DOCK3: variants seen among roughly 807,000 people sequenced by gnomAD.
DOCK3 encodes dedicator of cytokinesis protein 3.
In DOCK3, 60 loss-of-function variants were observed where a neutral mutation model predicts 265.6. That is an observed-to-expected ratio of 0.23 (90% CI 0.18 to 0.28). The LOEUF (loss-of-function observed/expected upper bound fraction) is 0.28, where lower values mean the gene tolerates loss of function less well. DOCK3 is among the 10% of genes least tolerant of loss of function. DOCK3 has a pLI of 1.00. For synonymous variants in DOCK3, 881 were observed against 938.0 expected, an observed-to-expected ratio of 0.94 and a Z score of 1.11; for missense variants, 1,981 against 2,594.3, an observed-to-expected ratio of 0.76 and a Z score of 5.14.
At position 51,075,306 on chromosome 3, in the gene DOCK3, T is replaced by G. The variant is rs374712870; in HGVS notation, c.465-50T>G. 427 of 1,495,344 alleles carry G rather than the reference T, an allele frequency of 2.9e-4. 2 individuals are homozygous for G. Among genetic ancestry groups the G allele is most frequent in the Middle Eastern group, 2.1e-3 (12 of 5,806 alleles). The allele number at this position is 1,495,344 out of a possible 1,614,324, so 92.6% of individuals were successfully genotyped here. On this transcript the variant is annotated intron_variant, in intron 6 of 52. Transcript: ENST00000266037. ...GGGTTCCCAGGCACATAAAGAGAGATAAGTAATCTGAGTACATGGCATACT... is the reference window on the plus strand; with the variant it reads ...GGGTTCCCAGGCACATAAAGAGAGAGAAGTAATCTGAGTACATGGCATACT...
At chr3:50,822,049 A>G (rs1310715597) in intron 2 of DOCK3, among the ~76,000 whole-genome samples, 2 of 152,072 alleles carry the variant, frequency 1.3e-5, no homozygotes, top group Non-Finnish European at 1.5e-5. Flanking sequence ...GAACAATGAC[A>G]GTAGTTTGAT....
intron 2 of DOCK3, among the ~76,000 whole-genome samples, chr3:50,817,846 G>A (rs1461279635): frequency 6.6e-6 from 1 of 151,976 alleles, no homozygotes; most frequent in Non-Finnish European, 1.5e-5. Flanking sequence ...CTGAGAAGAG[G>A]GCTTTATACT....
At chr3:51,213,054 A>G (rs1050950405) in intron 13 of DOCK3, among the ~76,000 whole-genome samples, 2 of 151,976 alleles carry the variant, frequency 1.3e-5, no homozygotes, top group Admixed American at 1.3e-4. Context: ...TTCTCTCTTT[A>G]TCTACTTCTC....
intron 5 of DOCK3, among the ~76,000 whole-genome samples, chr3:51,025,539 C>T (rs4557193): frequency 0.9 from 136,562 of 152,100 alleles, 61,469 homozygotes; most frequent in East Asian, 0.95. Context: ...CACCCCTCCC[C>T]GTCTTTCTGC....
intron 2 of DOCK3, among the ~76,000 whole-genome samples, chr3:50,837,873 G>A (rs754310981): frequency 2.0e-5 from 3 of 152,176 alleles, no homozygotes; most frequent in Non-Finnish European, 4.4e-5. Flanking sequence ...AGGAATTGCA[G>A]AGAGACTATT....
At chr3:50,764,215 A>G (rs753246852) in intron 1 of DOCK3, among the ~76,000 whole-genome samples, 15 of 152,180 alleles carry the variant, frequency 9.9e-5, no homozygotes, top group Non-Finnish European at 1.9e-4. Context: ...CTTTTAGCAC[A>G]GATTTCATAT....
chr3:50,791,357 G>T (rs930419342), intron 2 of DOCK3, among the ~76,000 whole-genome samples: 1 of 148,546 alleles, frequency 6.7e-6, no homozygotes, highest in Non-Finnish European at 1.5e-5. Flanking sequence ...TCTGCCTCCC[G>T]GGTTCAAGTG....
chr3:50,700,080 A>G lies in DOCK3; in HGVS notation c.37+24780A>G, dbSNP rs992538734. ...GATCACCTGAGGTCATGAGTTCGAG[A>G]CCAGTCTGGCCAACATGGTGAAACC... On this transcript the variant is annotated intron_variant, in intron 1 of 52. Transcript: ENST00000266037. Among the ~76,000 whole-genome samples, 9 of 152,184 alleles carry G rather than the reference A, an allele frequency of 5.9e-5. No individual in the cohort carries two copies. The South Asian group carries it at 6.2e-4, about 11-fold the overall frequency.
At chr3:51,021,165 C>T (rs1208224115) in intron 5 of DOCK3, among the ~76,000 whole-genome samples, 1 of 151,634 alleles carries the variant, frequency 6.6e-6, no homozygotes, top group Non-Finnish European at 1.5e-5. Context: ...TTGTAGTTCT[C>T]CTTGAAGAGG....
At chr3:51,206,647 G>A (rs2089230278) in intron 12 of DOCK3, among the ~76,000 whole-genome samples, 1 of 152,028 alleles carries the variant, frequency 6.6e-6, no homozygotes, top group South Asian at 2.1e-4. Flanking sequence ...CAATGTAAAA[G>A]AGATCTGAAG....
At chr3:50,801,677 T>C (rs559560216) in intron 2 of DOCK3, among the ~76,000 whole-genome samples, 1 of 152,166 alleles carries the variant, frequency 6.6e-6, no homozygotes, top group African/African-American at 2.4e-5. Flanking sequence ...ATTCTATAGC[T>C]GTTGGGTGAA....
At chr3:50,820,045 G>T (rs1299844165) in intron 2 of DOCK3, among the ~76,000 whole-genome samples, 1 of 152,174 alleles carries the variant, frequency 6.6e-6, no homozygotes, top group African/African-American at 2.4e-5. Flanking sequence ...GAAAGCCTCA[G>T]TTCAGGAACT....
chr3:51,373,196 C>T (rs1164019043), intron 49 of DOCK3, among the ~76,000 whole-genome samples: 7 of 152,222 alleles, frequency 4.6e-5, no homozygotes, highest in Admixed American at 3.9e-4. Context: ...GTATTTTTAG[C>T]TGTGTCCTGA....
At chr3:50,796,149 T>G (rs1313082531) in intron 2 of DOCK3, among the ~76,000 whole-genome samples, 1 of 147,744 alleles carries the variant, frequency 6.8e-6, no homozygotes, top group Admixed American at 6.7e-5. Context: ...CACGCCATTC[T>G]CCTGCCTCAG....
At chr3:50,816,323 CTTTTT>C (rs68016163) in intron 2 of DOCK3, among the ~76,000 whole-genome samples, 1 of 88,742 alleles carries the variant, frequency 1.1e-5, no homozygotes. Flanking sequence ...TCTTGTAACT[CTTTTT>C]TTTTTTTTTT....
At chr3:51,178,250 A>G (rs902388147) in intron 12 of DOCK3, among the ~76,000 whole-genome samples, 1 of 152,148 alleles carries the variant, frequency 6.6e-6, no homozygotes, top group African/African-American at 2.4e-5. Context: ...GAGAACATAC[A>G]CCTATTGTAA....
rs539491603 is a variant in DOCK3 at position 50,889,667 on chromosome 3, G to A, written c.163-359G>A. Among the ~76,000 whole-genome samples the A allele has an allele frequency of 2.6e-4, 39 of 152,092 alleles. No homozygotes were observed. In the East Asian group the frequency reaches 7.5e-3, roughly 29 times the overall value. ...GAGCTAGATAATCTGTAAGTTGTTGGTTAGATGATGATATTAGTTTTGGAG... is the reference window on the plus strand; with the variant it reads ...GAGCTAGATAATCTGTAAGTTGTTGATTAGATGATGATATTAGTTTTGGAG... On this transcript the variant is annotated intron_variant, in intron 3 of 52. Transcript: ENST00000266037.
At chr3:50,811,751 TAAA>T (rs2043771690) in intron 2 of DOCK3, among the ~76,000 whole-genome samples, 1 of 151,950 alleles carries the variant, frequency 6.6e-6, no homozygotes, top group Non-Finnish European at 1.5e-5. Context: ...TCTGCATGAA[TAAA>T]AAAGAATAGA....
intron 1 of DOCK3, among the ~76,000 whole-genome samples, chr3:50,744,022 G>C (rs2039258745): frequency 6.6e-6 from 1 of 152,136 alleles, no homozygotes; most frequent in African/African-American, 2.4e-5. Context: ...GTTTAGATTT[G>C]CATTTTCCTA....
Sources: gnomAD v4.1 joint callset for allele counts (sites outside exome capture counted in the v4.1 genomes callset) on GRCh38, gnomAD v4.1.1 for gene constraint, MANE v1.5 for transcripts, NCBI Gene and HGNC (gene_info 2026-07-23, HGNC 2026-07-21) for gene names.